SDCCAG8: variants seen among roughly 807,000 people sequenced by gnomAD.
SDCCAG8 encodes the protein serologically defined colon cancer antigen 8.
SDCCAG8 carries 74 observed loss-of-function variants against 101.8 expected under a neutral mutation model. The observed-to-expected ratio is 0.73, with a 90% CI of 0.60 to 0.88. The LOEUF is 0.88. SDCCAG8 is among the 40% of genes least tolerant of loss of function. SDCCAG8 has a pLI of 0.00. For missense variants in SDCCAG8, 787 were observed against 822.6 expected, an observed-to-expected ratio of 0.96 and a Z score of 0.53; for synonymous variants, 281 against 292.9, an observed-to-expected ratio of 0.96 and a Z score of 0.41.
At position 243,344,203 on chromosome 1, in the gene SDCCAG8, A is replaced by T. The variant is rs754786846; in HGVS notation, c.1357-12A>T. On this transcript the variant is annotated splice_polypyrimidine_tract_variant and intron_variant, in intron 11 of 17. Transcript: ENST00000366541. ...CCAGCAGGTAATCATCCAGTTTTTTACAATCTAACAGGTGTGTGGAGAAAT... is the reference window on the plus strand; with the variant it reads ...CCAGCAGGTAATCATCCAGTTTTTTTCAATCTAACAGGTGTGTGGAGAAAT... 4 of 1,608,438 alleles carry T rather than the reference A, an allele frequency of 2.5e-6. 1 individual carries two copies. In the Admixed American group the frequency reaches 6.7e-5, roughly 27 times the overall value.
intron 10 of SDCCAG8, among the ~76,000 whole-genome samples, chr1:243,337,089 A>G (rs193096668): frequency 1.3e-5 from 2 of 152,268 alleles, no homozygotes; most frequent in African/African-American, 4.8e-5. Context: ...CATGTAGGAA[A>G]CACCCGGAAT....
At chr1:243,293,717 C>T (rs1389479083) in intron 6 of SDCCAG8, among the ~76,000 whole-genome samples, 1 of 152,122 alleles carries the variant, frequency 6.6e-6, no homozygotes, top group African/African-American at 2.4e-5. Flanking sequence ...TATCTTTTGA[C>T]TGTTATGAAT....
chr1:243,343,705 T>A (rs1299652519), intron 11 of SDCCAG8, among the ~76,000 whole-genome samples: 10 of 152,222 alleles, frequency 6.6e-5, no homozygotes, highest in Admixed American at 5.9e-4. Flanking sequence ...CAGTCAATAC[T>A]GGATATTACA....
chr1:243,269,543 G>T (rs983184218), intron 1 of SDCCAG8, among the ~76,000 whole-genome samples: 1 of 151,892 alleles, frequency 6.6e-6, no homozygotes, highest in Admixed American at 6.6e-5. Context: ...CTGTACCGCC[G>T]GGGCTGCCAC....
chr1:243,496,787 C>T (rs1668023580), intron 17 of SDCCAG8, among the ~76,000 whole-genome samples: 1 of 152,244 alleles, frequency 6.6e-6, no homozygotes, highest in Non-Finnish European at 1.5e-5. Flanking sequence ...ACACTCAGAA[C>T]TTAACAAACT....
chr1:243,443,880 T>A (rs547068859), intron 16 of SDCCAG8, among the ~76,000 whole-genome samples: 20 of 152,310 alleles, frequency 1.3e-4, no homozygotes, highest in Non-Finnish European at 2.6e-4. Context: ...TTATTTATAT[T>A]CCTAGTTTTC....
chr1:243,369,033 GT>G (rs1308442876), intron 12 of SDCCAG8, among the ~76,000 whole-genome samples: 1 of 152,066 alleles, frequency 6.6e-6, no homozygotes, highest in Non-Finnish European at 1.5e-5. Flanking sequence ...AATATTGCAT[GT>G]GACCAAATTA....
At chr1:243,430,855 C>T (rs917918997) in intron 16 of SDCCAG8, among the ~76,000 whole-genome samples, 3 of 152,164 alleles carry the variant, frequency 2.0e-5, no homozygotes, top group Non-Finnish European at 1.5e-5. Flanking sequence ...AAATTGTATT[C>T]TAACTCCACA....
intron 12 of SDCCAG8, among the ~76,000 whole-genome samples, chr1:243,345,512 C>A (rs1185159280): frequency 1.3e-5 from 2 of 152,146 alleles, no homozygotes; most frequent in Non-Finnish European, 2.9e-5. Flanking sequence ...CTGTCAGGGA[C>A]TGAAGGCCTA....
In SDCCAG8 at chr1:243,261,862, T is replaced by C. The variant is rs575659365; in HGVS notation, c.67+5622T>C. Among the ~76,000 whole-genome samples, 260 of 151,060 alleles carry C rather than the reference T, an allele frequency of 1.7e-3. 2 individuals carry two copies. The highest frequency in any genetic ancestry group is 5.9e-3 in the African/African-American group (245 of 41,370). ...ATTCATGTGGCTTTTCTTTTTCTTT[T>C]TTTTTTTTTTTTAATCTCAGCTCAC... is the stretch of plus-strand genomic sequence containing the variant. On this transcript the variant is annotated intron_variant, in intron 1 of 17. Coordinates refer to ENST00000366541, the MANE Select transcript of SDCCAG8 (RefSeq NM_006642.5).
intron 17 of SDCCAG8, among the ~76,000 whole-genome samples, chr1:243,495,474 G>T (rs968662859): frequency 6.6e-6 from 1 of 152,170 alleles, no homozygotes; most frequent in East Asian, 1.9e-4. Context: ...GGGCCCAGCC[G>T]GGCAGCCAGG....
At chr1:243,463,463 A>T (rs971395497) in intron 16 of SDCCAG8, among the ~76,000 whole-genome samples, 8 of 152,158 alleles carry the variant, frequency 5.3e-5, no homozygotes, top group Admixed American at 1.3e-4. Flanking sequence ...CATCCCCAAT[A>T]TGAGGACATG....
At chr1:243,422,345 A>C (rs1177980946) in intron 15 of SDCCAG8, among the ~76,000 whole-genome samples, 6 of 152,152 alleles carry the variant, frequency 3.9e-5, no homozygotes, top group Non-Finnish European at 7.3e-5. Flanking sequence ...TTTGAATTCT[A>C]ATCTGTCACC....
intron 12 of SDCCAG8, among the ~76,000 whole-genome samples, chr1:243,353,174 T>C (rs1377830681): frequency 6.6e-6 from 1 of 152,010 alleles, no homozygotes; most frequent in Non-Finnish European, 1.5e-5. Flanking sequence ...AGGGGAAAGA[T>C]AACATCCTTG....
chr1:243,348,037 C>CTTTTT (rs1181379015), intron 12 of SDCCAG8, among the ~76,000 whole-genome samples: 1 of 103,382 alleles, frequency 9.7e-6, no homozygotes, highest in Non-Finnish European at 1.9e-5. Flanking sequence ...TTTTTTTTTT[C>CTTTTT]TTTTTTTTTT....
Position 243,365,954 on chromosome 1 carries a change from G to A in SDCCAG8, c.1474-12767G>A, listed in dbSNP as rs554168261. ...ACCTTTAGGCTGCTCTTCATTTAAGGTAATAGTGTCAATTTTGAACAAACT... is the reference window on the plus strand; with the variant it reads ...ACCTTTAGGCTGCTCTTCATTTAAGATAATAGTGTCAATTTTGAACAAACT... On this transcript the variant is annotated intron_variant, in intron 12 of 17. Coordinates refer to ENST00000366541, the MANE Select transcript of SDCCAG8 (RefSeq NM_006642.5). 5.3e-5 allele frequency among the ~76,000 whole-genome samples: 8 copies of A among 152,068 alleles called. No individual in the cohort carries two copies. The East Asian group carries it at 1.4e-3, about 26-fold the overall frequency.
intron 12 of SDCCAG8, among the ~76,000 whole-genome samples, chr1:243,372,828 C>G (rs1413643580): frequency 2.0e-5 from 3 of 150,884 alleles, no homozygotes; most frequent in Admixed American, 2.0e-4. Context: ...GACTTTGTCT[C>G]TACTAACAAT....
chr1:243,451,050 G>A (rs1470259005), intron 16 of SDCCAG8, among the ~76,000 whole-genome samples: 1 of 152,238 alleles, frequency 6.6e-6, no homozygotes. Flanking sequence ...AGGGGAAATA[G>A]GGTAAAAGTA....
intron 1 of SDCCAG8, among the ~76,000 whole-genome samples, chr1:243,264,661 CT>C (rs571921174): frequency 9.5e-4 from 145 of 152,224 alleles, no homozygotes; most frequent in Admixed American, 2.4e-3. Flanking sequence ...CTGAAATTAG[CT>C]AGCAGCCATT....
Sources: allele counts gnomAD v4.1 joint callset (sites outside exome capture counted in the v4.1 genomes callset), GRCh38; gene constraint gnomAD v4.1.1; transcripts MANE v1.5; gene names NCBI Gene and HGNC (gene_info 2026-07-23, HGNC 2026-07-21).